The following PTPN14 variants were observed in gnomAD, a reference collection of about 807,000 sequenced individuals.
PTPN14 encodes tyrosine-protein phosphatase non-receptor type 14.
PTPN14 carries 53 observed loss-of-function variants against 126.8 expected under a neutral mutation model. The ratio of observed to expected loss-of-function variants is 0.42; its 90% CI spans 0.34 to 0.53. The LOEUF (loss-of-function observed/expected upper bound fraction) is 0.53. Ranked by LOEUF, PTPN14 falls within the 20% of genes least tolerant of loss-of-function variation. PTPN14 has a pLI of 0.08. For missense variants in PTPN14, 1,257 were observed against 1,552.9 expected (o/e 0.81, Z 3.20); for synonymous variants, 630 against 599.3 (o/e 1.05, Z -0.75).
At chr1:214,470,128 TA>T (rs10713119) in intron 1 of PTPN14, among the ~76,000 whole-genome samples, 139,285 of 151,904 alleles carry the variant, frequency 0.92, 63,976 homozygotes, top group African/African-American at 0.97. Flanking sequence ...CCCTACAAAA[TA>T]AAAAATAAAA....
intron 1 of PTPN14, among the ~76,000 whole-genome samples, chr1:214,518,122 A>G (rs1655154336): frequency 6.6e-6 from 1 of 152,194 alleles, no homozygotes; most frequent in Admixed American, 6.6e-5. Flanking sequence ...ATGTTTGTCA[A>G]AAGATTGAAC....
In PTPN14 at chr1:214,464,861, C is replaced by T. The variant is rs1190647119; in HGVS notation, c.-58G>A. The T allele has an allele frequency of 1.3e-6, 2 of 1,587,612 alleles. No homozygotes were observed. The highest frequency in any genetic ancestry group is 1.7e-5 in the Admixed American group (1 of 58,954). ...CCTGGCGCACACGCCCCTGAGATGG[C>T]CTTAGCAGTTTCGTGACTGGAAAAT... On this transcript the variant is annotated 5_prime_UTR_variant, in exon 2 of 19. Transcript: ENST00000366956.
intron 16 of PTPN14, among the ~76,000 whole-genome samples, chr1:214,370,421 C>T (rs1416609681): frequency 1.3e-5 from 2 of 152,068 alleles, no homozygotes; most frequent in Non-Finnish European, 2.9e-5. Flanking sequence ...CCCATGGGCA[C>T]GGGAAGTCAT....
chr1:214,374,557 A>C (rs936676965), intron 15 of PTPN14, among the ~76,000 whole-genome samples: 12 of 152,252 alleles, frequency 7.9e-5, no homozygotes, highest in African/African-American at 2.9e-4. Flanking sequence ...GATTTCACAC[A>C]TGTGATTCCA....
chr1:214,438,129 T>C (rs1192104243), intron 3 of PTPN14, among the ~76,000 whole-genome samples: 4 of 152,238 alleles, frequency 2.6e-5, no homozygotes, highest in African/African-American at 9.6e-5. Context: ...AATCTGTTTA[T>C]CTTTTCAGAC....
At chr1:214,481,837 A>T (rs1337721948) in intron 1 of PTPN14, among the ~76,000 whole-genome samples, 1 of 150,588 alleles carries the variant, frequency 6.6e-6, no homozygotes, top group African/African-American at 2.4e-5. Context: ...TACAAAAAAA[A>T]TTAGCTGGGC....
intron 15 of PTPN14, among the ~76,000 whole-genome samples, chr1:214,373,651 T>A (rs531037345): frequency 6.7e-6 from 1 of 149,894 alleles, no homozygotes; most frequent in South Asian, 2.1e-4. Context: ...TACCACTGTG[T>A]TGTAATCCAG....
chr1:214,500,464 C>T (rs1164339191), intron 1 of PTPN14, among the ~76,000 whole-genome samples: 2 of 152,126 alleles, frequency 1.3e-5, no homozygotes, highest in Non-Finnish European at 2.9e-5. Context: ...TCCATCTTTC[C>T]GGCAACAAAG....
At chr1:214,436,470 A>G (rs1290590781) in intron 3 of PTPN14, among the ~76,000 whole-genome samples, 1 of 152,228 alleles carries the variant, frequency 6.6e-6, no homozygotes, top group African/African-American at 2.4e-5. Context: ...TTTTGAAACC[A>G]TATTTTTTCA....
intron 13 of PTPN14, among the ~76,000 whole-genome samples, chr1:214,382,696 T>C (rs1429849505): frequency 6.6e-6 from 1 of 152,236 alleles, no homozygotes. Context: ...AGTGGTAATA[T>C]GTATGTATAT....
In PTPN14 at chr1:214,464,706, A is replaced by G; in HGVS notation, c.98T>C (p.Ile33Thr). The change falls in exon 2 of 19, where the codon ATC becomes ACC. Residue 33 changes from isoleucine (I) to threonine (T), a missense_variant. Physicochemically the swap from Ile to Thr is moderately conservative, Grantham distance 89 (BLOSUM62 -1). Around this residue, in one of 3 missense-constraint regions of PTPN14, gnomAD observed 1,021 missense variants for 1,183.3 expected, o/e 0.86. Coordinates refer to ENST00000366956, the MANE Select transcript of PTPN14 (RefSeq NM_005401.5). ...TRIRLLDSNV[I>T]ECTLSVESTG... ...GCTTTCCACCGACAGCGTGCACTCG[A>G]TAACATTGCTGTCCAGCAGGCGAAT... 2.5e-6 allele frequency: 4 copies of G among 1,614,280 alleles called. No homozygotes were observed. Among genetic ancestry groups the G allele is most frequent in the Non-Finnish European group, 2.5e-6 (3 of 1,180,056 alleles).
chr1:214,425,586 T>C (rs1659643487), intron 3 of PTPN14, among the ~76,000 whole-genome samples: 1 of 152,230 alleles, frequency 6.6e-6, no homozygotes, highest in African/African-American at 2.4e-5. Flanking sequence ...GATATTATTA[T>C]GGCCACATAT....
chr1:214,447,774 A>G (rs1233005311), intron 3 of PTPN14, among the ~76,000 whole-genome samples: 1 of 152,206 alleles, frequency 6.6e-6, no homozygotes, highest in Non-Finnish European at 1.5e-5. Context: ...TGCCATAAAG[A>G]GTTGGTTAGA....
chr1:214,520,746 T>C (rs1054231498), intron 1 of PTPN14, among the ~76,000 whole-genome samples: 6 of 152,188 alleles, frequency 3.9e-5, no homozygotes, highest in African/African-American at 1.4e-4. Context: ...GTTGAGTTTA[T>C]TGGGATCAGT....
intron 1 of PTPN14, among the ~76,000 whole-genome samples, chr1:214,519,728 C>T (rs1655195214): frequency 6.6e-6 from 1 of 152,028 alleles, no homozygotes; most frequent in Non-Finnish European, 1.5e-5. Context: ...TTTTAACCCT[C>T]CCGCCCCATG....
rs765832822 is a variant in PTPN14, at chr1:214,451,916, A to G, written c.233T>C (p.Leu78Pro). The change falls in exon 3 of 19, where the codon CTG (leucine) becomes CCG (proline). Residue 78 changes from leucine to proline, a missense_variant. Physicochemically the swap from Leu to Pro is moderately conservative, Grantham distance 98. Transcript: ENST00000366956. ...SKSQQARWVE[L>P]EKPLKKHLDK... ...CAGATGTTTCTTCAGAGGTTTCTCC[A>G]GCTCCACCCATCGTGCTTGCTGGCT... The G allele has an allele frequency of 6.2e-7, 1 of 1,614,226 alleles. No individual in the cohort carries two copies. The highest frequency in any genetic ancestry group is 1.1e-5 in the South Asian group (1 of 91,090).
Position 214,472,416 on chromosome 1 carries a change from G to A in PTPN14, c.-154-7459C>T, listed in dbSNP as rs1197245851. Among the ~76,000 whole-genome samples the A allele has an allele frequency of 2.0e-4, 30 of 152,148 alleles. 1 individual carries two copies. The highest frequency in any genetic ancestry group is 2.9e-5 in the Non-Finnish European group (2 of 68,034). ...CCTCACCAGAAGCAGAGCAGATGCT[G>A]GTGCCATGCTTCCTGTACAGCCTGC... On this transcript the variant is annotated intron_variant, in intron 1 of 18. Transcript: ENST00000366956.
intron 5 of PTPN14, among the ~76,000 whole-genome samples, chr1:214,408,778 C>T (rs1659229162): frequency 6.6e-6 from 1 of 152,022 alleles, no homozygotes; most frequent in Non-Finnish European, 1.5e-5. Flanking sequence ...GAATTGAGAC[C>T]TGAATGTCAT....
In PTPN14 at chr1:214,364,526, A is replaced by C; in HGVS notation, c.3421T>G (p.Leu1141Val). Residue 1141 changes from leucine to valine, a missense_variant, in exon 18 of 19, where the codon TTG (leucine) becomes GTG (valine). Leu to Val is a conservative substitution (Grantham distance 32). Transcript: ENST00000366956. The surrounding 1 kb of genome is among the most constrained non-coding windows in gnomAD (Gnocchi z 4.1). Reference sequence around the variant, plus strand: ...GAATGACTCACTTCGTTATGTTCCAAGCAGTAGATCATCAGCTCAGAAAGA... The same window carrying C: ...GAATGACTCACTTCGTTATGTTCCACGCAGTAGATCATCAGCTCAGAAAGA... ...LILSELMIYC[L>V]EHNEKVEVPM... 1 of 1,614,006 alleles carries C rather than the reference A, an allele frequency of 6.2e-7. No homozygotes were observed. The highest frequency in any genetic ancestry group is 1.1e-5 in the South Asian group (1 of 91,062).
Sources: gnomAD v4.1 joint callset for allele counts (sites outside exome capture counted in the v4.1 genomes callset) on GRCh38, gnomAD v4.1.1 for gene constraint, gnomAD v4.1.1 regional missense constraint, Gnocchi (gnomAD v3.1) non-coding constraint, MANE v1.5 for transcripts, NCBI Gene and HGNC (gene_info 2026-07-23, HGNC 2026-07-21) for gene names.